The following MAP2K6 variants were observed in gnomAD, a reference collection of about 807,000 sequenced individuals.
The protein encoded by MAP2K6 is mitogen-activated protein kinase kinase 6.
MAP2K6 carries 16 observed loss-of-function variants against 53.7 expected under a neutral mutation model. The ratio of observed to expected loss-of-function variants is 0.30; its 90% CI spans 0.20 to 0.45. The LOEUF is 0.45. MAP2K6 is among the 20% of genes least tolerant of loss of function. The pLI is 1.00. For synonymous variants in MAP2K6, 132 were observed against 143.1 expected (o/e 0.92, Z 0.55); for missense variants, 204 against 411.9 (o/e 0.50, Z 4.37).
At position 69,505,860 on chromosome 17, in the gene MAP2K6, A is replaced by T. The variant is rs1460010916; in HGVS notation, c.83+14A>T. On this transcript the variant is annotated intron_variant, in intron 2 of 11. Coordinates refer to ENST00000590474, the MANE Select transcript of MAP2K6 (RefSeq NM_002758.4). ...GACCAGTTCCACGTAAGTTGACAAG[A>T]CCATCATCTGAATCCAAATCCTTGT... The T allele has an allele frequency of 6.2e-7, 1 of 1,610,442 alleles. No individual in the cohort carries two copies. The highest frequency in any genetic ancestry group is 1.7e-5 in the Admixed American group (1 of 59,846).
At chr17:69,524,483 G>A (rs1359108044) in intron 8 of MAP2K6, among the ~76,000 whole-genome samples, 1 of 151,006 alleles carries the variant, frequency 6.6e-6, no homozygotes, top group Non-Finnish European at 1.5e-5. Context: ...GAATTGAAAA[G>A]CTTCCTGTCT....
chr17:69,488,175 A>G (rs918202067), intron 1 of MAP2K6, among the ~76,000 whole-genome samples: 2 of 152,244 alleles, frequency 1.3e-5, no homozygotes, highest in African/African-American at 4.8e-5. Flanking sequence ...AAAAGAAGAC[A>G]TACAAAAAAA....
In MAP2K6 at chr17:69,455,853, T is replaced by C. The variant is rs1474366969; in HGVS notation, c.16+40853T>C. Among the ~76,000 whole-genome samples the C allele has an allele frequency of 4.3e-4, 19 of 43,880 alleles. No individual in the cohort carries two copies. In the East Asian group the frequency reaches 7.1e-3, roughly 16 times the overall value. The allele number at this position is 43,880 out of a possible 152,430, so 28.8% of individuals were successfully genotyped here. A position where few individuals can be genotyped will look rare whatever the true frequency, so the allele number is the denominator to read the frequency against. On this transcript the variant is annotated intron_variant, in intron 1 of 11. Transcript: ENST00000590474. ...CTGAGTGGGTTCCTGGACTTTCAGT[T>C]TTTTTTTTTTTTTTTTTTTTTTTTA...
intron 1 of MAP2K6, among the ~76,000 whole-genome samples, chr17:69,438,340 A>G (rs1906712704): frequency 6.6e-6 from 1 of 152,194 alleles, no homozygotes; most frequent in Admixed American, 6.5e-5. Flanking sequence ...TTGGCTTTCT[A>G]TCAGGCCTTC....
At chr17:69,447,407 A>G (rs1162397409) in intron 1 of MAP2K6, among the ~76,000 whole-genome samples, 5 of 151,978 alleles carry the variant, frequency 3.3e-5, no homozygotes, top group Non-Finnish European at 7.4e-5. Context: ...GTGCAGTGGC[A>G]TGATCTTGGT....
Position 69,526,612 on chromosome 17 carries a change from A to G in MAP2K6, c.784A>G (p.Thr262Ala). 6.2e-7 allele frequency: 1 copy of G among 1,613,486 alleles called. No individual in the cohort carries two copies. Among genetic ancestry groups the G allele is most frequent in the South Asian group, 1.1e-5 (1 of 91,042 alleles). Residue 262 changes from threonine (T) to alanine (A), a missense_variant, in exon 10 of 12, where the codon ACT (threonine) becomes GCT (alanine). Coordinates refer to ENST00000590474, the MANE Select transcript of MAP2K6 (RefSeq NM_002758.4). Reference protein sequence around the residue: ...ILRFPYDSWGTPFQQLKQVVE... With the variant: ...ILRFPYDSWGAPFQQLKQVVE... ...TCGATTTCCCTATGATTCATGGGGA[A>G]CTCCATTTCAGCAGCTCAAACAGGT...
At chr17:69,420,957 A>G (rs1428411515) in intron 1 of MAP2K6, among the ~76,000 whole-genome samples, 2 of 152,208 alleles carry the variant, frequency 1.3e-5, no homozygotes, top group African/African-American at 4.8e-5. Context: ...CAGTGCCTAC[A>G]TAGTACAGCT....
intron 1 of MAP2K6, among the ~76,000 whole-genome samples, chr17:69,423,982 C>T (rs1024730057): frequency 6.6e-6 from 1 of 152,156 alleles, no homozygotes; most frequent in Admixed American, 6.5e-5. Context: ...ACCACCATTG[C>T]CTGGCTTGTT....
chr17:69,439,904 G>C (rs1016957327), intron 1 of MAP2K6, among the ~76,000 whole-genome samples: 5 of 152,080 alleles, frequency 3.3e-5, no homozygotes, highest in African/African-American at 4.8e-5. Context: ...CTGTATAAGT[G>C]TTGTCTCATT....
chr17:69,444,562 A>G (rs1906913805), intron 1 of MAP2K6, among the ~76,000 whole-genome samples: 1 of 152,174 alleles, frequency 6.6e-6, no homozygotes, highest in African/African-American at 2.4e-5. Context: ...AACTGCTGCC[A>G]ATAAAGCCTC....
intron 1 of MAP2K6, among the ~76,000 whole-genome samples, chr17:69,471,010 G>GGACA (rs1485216080): frequency 6.6e-6 from 1 of 152,138 alleles, no homozygotes; most frequent in African/African-American, 2.4e-5. Context: ...ACAGCACCTA[G>GGACA]GACAGTACCT....
At position 69,542,047 on chromosome 17, in the gene MAP2K6, T is replaced by C. The variant is rs1338337916; in HGVS notation, c.*294T>C. 1 of 171,622 alleles carries C rather than the reference T, an allele frequency of 5.8e-6. No homozygotes were observed. The highest frequency in any genetic ancestry group is 1.2e-5 in the Non-Finnish European group (1 of 80,250). The allele number at this position is 171,622 out of a possible 1,614,324, so 10.6% of individuals were successfully genotyped here. A position where few individuals can be genotyped will look rare whatever the true frequency, so the allele number is the denominator to read the frequency against. Reference sequence around the variant, plus strand: ...CTCAAGCTTCTCAGACTTCTCTTATTCTTTACAAAATGAATGCATTGGCCC... The same window carrying C: ...CTCAAGCTTCTCAGACTTCTCTTATCCTTTACAAAATGAATGCATTGGCCC... On this transcript the variant is annotated 3_prime_UTR_variant, in exon 12 of 12. Coordinates refer to ENST00000590474, the MANE Select transcript of MAP2K6 (RefSeq NM_002758.4).
chr17:69,535,575 C>A (rs541662662), intron 10 of MAP2K6, among the ~76,000 whole-genome samples: 1 of 152,282 alleles, frequency 6.6e-6, no homozygotes, highest in Admixed American at 6.5e-5. Context: ...GCCTGGGCAA[C>A]AGAGCCAGCC....
intron 1 of MAP2K6, among the ~76,000 whole-genome samples, chr17:69,454,637 C>T (rs541005850): frequency 3.9e-5 from 6 of 152,144 alleles, no homozygotes; most frequent in East Asian, 1.9e-4. Flanking sequence ...ATGATCCACC[C>T]GCCTCTGCCT....
intron 1 of MAP2K6, among the ~76,000 whole-genome samples, chr17:69,437,527 C>G (rs957391454): frequency 2.6e-5 from 4 of 152,104 alleles, no homozygotes; most frequent in African/African-American, 9.7e-5. Flanking sequence ...GTTCAAACCC[C>G]TGATGTTCAA....
At chr17:69,514,615 G>A (rs775478377) in intron 2 of MAP2K6, among the ~76,000 whole-genome samples, 11 of 152,038 alleles carry the variant, frequency 7.2e-5, no homozygotes, top group Non-Finnish European at 1.6e-4. Context: ...AGGCTGGAGC[G>A]CAGTGGCACG....
At chr17:69,470,190 C>T (rs1045979871) in intron 1 of MAP2K6, among the ~76,000 whole-genome samples, 19 of 152,184 alleles carry the variant, frequency 1.2e-4, no homozygotes, top group Middle Eastern at 3.4e-3. Flanking sequence ...GATAACAGAG[C>T]GAGACCCTGT....
intron 10 of MAP2K6, among the ~76,000 whole-genome samples, chr17:69,533,738 T>TG (rs990940760): frequency 2.7e-4 from 27 of 101,246 alleles, no homozygotes; most frequent in South Asian, 1.7e-3. Context: ...CCTGTTTGTT[T>TG]TTTTTTTTTT....
At chr17:69,464,862 C>T (rs1348749637) in intron 1 of MAP2K6, among the ~76,000 whole-genome samples, 2 of 151,220 alleles carry the variant, frequency 1.3e-5, no homozygotes, top group East Asian at 1.9e-4. Context: ...ATTACAGGCA[C>T]GTGCCACCAC....
Sources: allele counts gnomAD v4.1 joint callset (sites outside exome capture counted in the v4.1 genomes callset), GRCh38; gene constraint gnomAD v4.1.1; transcripts MANE v1.5; gene names NCBI Gene and HGNC (gene_info 2026-07-23, HGNC 2026-07-21).